HEMK2: variants seen among roughly 807,000 people sequenced by gnomAD.
HEMK2 encodes the protein HemK methyltransferase 2, ETF1 glutamine and histone H4 lysine, also known as methyltransferase HEMK2.
chr21:28,736,880 C>G, the HEMK2 span, among the ~76,000 whole-genome samples: 34,985 of 151,418 alleles, frequency 0.23, 4,721 homozygotes, highest in African/African-American at 0.36. Context: ...TTGACAGTTA[C>G]GTGTCCTTTC....
the HEMK2 span, among the ~76,000 whole-genome samples, chr21:28,838,476 G>A: frequency 1.3e-5 from 2 of 151,856 alleles, no homozygotes; most frequent in African/African-American, 4.8e-5. Flanking sequence ...GGAGCTTGCA[G>A]TGAGCTGAAA....
the HEMK2 span, among the ~76,000 whole-genome samples, chr21:28,701,912 C>G: frequency 6.6e-6 from 1 of 152,130 alleles, no homozygotes; most frequent in Non-Finnish European, 1.5e-5. Flanking sequence ...AGAGGCATCA[C>G]ATTTCTCAAT....
At chr21:28,766,354 A>C in the HEMK2 span, among the ~76,000 whole-genome samples, 244 of 152,160 alleles carry the variant, frequency 1.6e-3, 1 homozygote, top group African/African-American at 5.7e-3. Context: ...TCAAAAAACA[A>C]TAGATATTGG....
At chr21:28,703,928 C>A in the HEMK2 span, among the ~76,000 whole-genome samples, 1 of 152,152 alleles carries the variant, frequency 6.6e-6, no homozygotes, top group Non-Finnish European at 1.5e-5. Flanking sequence ...GGTCAGGACA[C>A]CAACATTTCA....
chr21:28,588,436 C>A, the HEMK2 span, among the ~76,000 whole-genome samples: 1 of 152,136 alleles, frequency 6.6e-6, no homozygotes, highest in Non-Finnish European at 1.5e-5. Flanking sequence ...CAGCTAAGGG[C>A]TGAAAATTTC....
chr21:28,688,862 T>C, the HEMK2 span, among the ~76,000 whole-genome samples: 3 of 151,652 alleles, frequency 2.0e-5, no homozygotes, highest in Admixed American at 1.3e-4. Flanking sequence ...AGAGGGAATC[T>C]TTAAATGCAT....
chr21:28,838,972 A>AAAAAAAAAATATATATATAT, the HEMK2 span, among the ~76,000 whole-genome samples: 1 of 29,160 alleles, frequency 3.4e-5, no homozygotes, highest in Non-Finnish European at 5.6e-5. Context: ...AAAAAAAAAA[A>AAAAAAAAAATATATATATAT]ATATATATAT....
the HEMK2 span, among the ~76,000 whole-genome samples, chr21:28,852,791 T>TAAGA: frequency 6.6e-6 from 1 of 152,200 alleles, no homozygotes; most frequent in Admixed American, 6.5e-5. Flanking sequence ...ATAAATTAAG[T>TAAGA]AAGAATGCAG....
At chr21:28,733,230 G>C in the HEMK2 span, among the ~76,000 whole-genome samples, 1 of 152,314 alleles carries the variant, frequency 6.6e-6, no homozygotes, top group African/African-American at 2.4e-5. Context: ...AGTGAGCCGA[G>C]ATCGTGCCAC....
the HEMK2 span, among the ~76,000 whole-genome samples, chr21:28,761,775 C>T: frequency 6.6e-6 from 1 of 151,908 alleles, no homozygotes; most frequent in Non-Finnish European, 1.5e-5. Context: ...AGAAGGCACG[C>T]AACAGGTTGA....
chr21:28,873,798 T>C, the HEMK2 span: 1 of 152,124 alleles, frequency 6.6e-6, no homozygotes, highest in African/African-American at 2.4e-5. Flanking sequence ...AGTCTTAAAC[T>C]TCCAGTTCAA....
At chr21:28,872,002 A>G in the HEMK2 span, among the ~76,000 whole-genome samples, 1 of 152,200 alleles carries the variant, frequency 6.6e-6, no homozygotes, top group Non-Finnish European at 1.5e-5. Context: ...TTACATCTGC[A>G]AAGTCCCTAA....
At chr21:28,838,990 T>C in the HEMK2 span, among the ~76,000 whole-genome samples, 3 of 79,386 alleles carry the variant, frequency 3.8e-5, no homozygotes, top group African/African-American at 1.3e-4. Context: ...TATATATATA[T>C]ATATATATAT....
the HEMK2 span, among the ~76,000 whole-genome samples, chr21:28,622,236 C>CA: frequency 6.6e-6 from 1 of 152,052 alleles, no homozygotes; most frequent in African/African-American, 2.4e-5. Context: ...ACAATTGCTA[C>CA]AAAAAGAATA....
chr21:28,714,890 T>C, the HEMK2 span, among the ~76,000 whole-genome samples: 4 of 152,210 alleles, frequency 2.6e-5, no homozygotes, highest in Non-Finnish European at 5.9e-5. Flanking sequence ...GAACATGTGA[T>C]ATTTGGTTTT....
At chr21:28,864,812 C>CAGATAGATAGATAGATAGATAGATAGAT in the HEMK2 span, among the ~76,000 whole-genome samples, 1 of 113,848 alleles carries the variant, frequency 8.8e-6, no homozygotes, top group Admixed American at 8.6e-5. Flanking sequence ...CTCTGAAAGA[C>CAGATAGATAGATAGATAGATAGATAGAT]AGACAGACAG....
chr21:28,828,961 G>A, the HEMK2 span, among the ~76,000 whole-genome samples: 2 of 152,150 alleles, frequency 1.3e-5, no homozygotes, highest in South Asian at 2.1e-4. Context: ...TTTAACAAGA[G>A]CTTTAACAAT....
the HEMK2 span, among the ~76,000 whole-genome samples, chr21:28,695,530 G>C: frequency 6.6e-6 from 1 of 152,198 alleles, no homozygotes; most frequent in Admixed American, 6.5e-5. Context: ...GCAGGCAAGA[G>C]AGCTTGTGCA....
chr21:28,610,293 T>C, the HEMK2 span, among the ~76,000 whole-genome samples: 3 of 152,156 alleles, frequency 2.0e-5, no homozygotes, highest in South Asian at 6.2e-4. Context: ...GAATTTTGTA[T>C]CCAGAAAAAC....
Sources: allele counts gnomAD v4.1 joint callset (sites outside exome capture counted in the v4.1 genomes callset), GRCh38; gene constraint gnomAD v4.1.1; transcripts MANE v1.5; gene names NCBI Gene and HGNC (gene_info 2026-07-23, HGNC 2026-07-21).